The following SLC5A4 variants were observed in gnomAD, a reference collection of about 807,000 sequenced individuals.
SLC5A4 encodes solute carrier family 5 member 4.
In SLC5A4, 55 loss-of-function variants were observed where a neutral mutation model predicts 70.3. That is an observed-to-expected ratio of 0.78 (90% CI 0.63 to 0.98). SLC5A4 has a LOEUF of 0.98. Ranked by LOEUF, SLC5A4 falls within the 50% of genes least tolerant of loss-of-function variation. SLC5A4 has a pLI of 0.00. For missense variants in SLC5A4, 735 were observed against 839.2 expected (o/e 0.88, Z 1.53); for synonymous variants, 268 against 305.7 (o/e 0.88, Z 1.29).
chr22:32,287,738 A>G, the SLC5A4 span, among the ~76,000 whole-genome samples: 42,585 of 150,734 alleles, frequency 0.28, 5,976 homozygotes, highest in African/African-American at 0.32. Flanking sequence ...CACCTGCCTC[A>G]GTCTCCCAAA....
the SLC5A4 span, among the ~76,000 whole-genome samples, chr22:32,304,209 C>G: frequency 6.6e-6 from 1 of 152,174 alleles, no homozygotes; most frequent in African/African-American, 2.4e-5. Context: ...CTACTGCAAC[C>G]TCTGTCTCCT....
the SLC5A4 span, among the ~76,000 whole-genome samples, chr22:32,348,042 A>C: frequency 6.6e-6 from 1 of 152,116 alleles, no homozygotes; most frequent in Non-Finnish European, 1.5e-5. Flanking sequence ...TCACATGGGG[A>C]TAATAACAGC....
the SLC5A4 span, among the ~76,000 whole-genome samples, chr22:32,309,864 C>T: frequency 2.0e-5 from 3 of 151,486 alleles, no homozygotes; most frequent in Admixed American, 6.6e-5. Context: ...GCACTCTGCA[C>T]CTGCCTTTGC....
chr22:32,273,152 C>T, the SLC5A4 span: 11 of 417,328 alleles, frequency 2.6e-5, no homozygotes, highest in East Asian at 6.1e-4. Context: ...CACTACCTCC[C>T]ACCACCTTTT....
chr22:32,326,073 A>G, the SLC5A4 span, among the ~76,000 whole-genome samples: 1 of 152,236 alleles, frequency 6.6e-6, no homozygotes, highest in Non-Finnish European at 1.5e-5. Flanking sequence ...GGCAATTTGA[A>G]TAACAATGAA....
chr22:32,312,954 G>A, the SLC5A4 span, among the ~76,000 whole-genome samples: 3 of 152,110 alleles, frequency 2.0e-5, no homozygotes, highest in Admixed American at 1.3e-4. Context: ...TCTTCTGAAC[G>A]TTGTGAACCA....
upstream of SLC5A4, among the ~76,000 whole-genome samples, chr22:32,257,792 A>C (rs1927568361): frequency 6.6e-6 from 1 of 150,710 alleles, no homozygotes; most frequent in South Asian, 2.1e-4. Context: ...CAGCCTCCCG[A>C]GTAGCTGGGA....
At chr22:32,298,600 C>G in the SLC5A4 span, among the ~76,000 whole-genome samples, 1 of 84,844 alleles carries the variant, frequency 1.2e-5, no homozygotes, top group Non-Finnish European at 2.5e-5. Flanking sequence ...GGTCTTGACT[C>G]TTTATCCAAT....
At chr22:32,303,191 A>T in the SLC5A4 span, among the ~76,000 whole-genome samples, 3 of 152,224 alleles carry the variant, frequency 2.0e-5, no homozygotes, top group African/African-American at 7.2e-5. Context: ...CACGTGTCCA[A>T]GGTGGCTGGG....
chr22:32,298,931 T>C, the SLC5A4 span, among the ~76,000 whole-genome samples: 9 of 106,178 alleles, frequency 8.5e-5, no homozygotes, highest in Middle Eastern at 8.3e-3. Context: ...TTTGGCTGGA[T>C]ATGAAATTCT....
chr22:32,291,365 G>C, the SLC5A4 span, among the ~76,000 whole-genome samples: 281 of 152,058 alleles, frequency 1.8e-3, no homozygotes, highest in Middle Eastern at 3.4e-3. Context: ...TTATAGTAGA[G>C]ACGGGGTTTC....
chr22:32,221,029 A>G lies in SLC5A4; in HGVS notation c.1666-7T>C. On this transcript the variant is annotated splice_region_variant and splice_polypyrimidine_tract_variant and intron_variant, in intron 13 of 14. Transcript: ENST00000266086. ...CCCAGCACAGGCGGTACAGCTGAAC[A>G]GGGACCATACAAAAGTGCATTAGTA... The G allele has an allele frequency of 6.3e-7, 1 of 1,596,982 alleles. No homozygotes were observed. Among genetic ancestry groups the G allele is most frequent in the Non-Finnish European group, 8.6e-7 (1 of 1,164,540 alleles).
At chr22:32,273,043 T>C in the SLC5A4 span, 1 of 532,512 alleles carries the variant, frequency 1.9e-6, no homozygotes. Context: ...GCCAAGAAGA[T>C]CAGCACCATA....
chr22:32,328,722 A>G, the SLC5A4 span, among the ~76,000 whole-genome samples: 1 of 152,236 alleles, frequency 6.6e-6, no homozygotes, highest in East Asian at 1.9e-4. Flanking sequence ...GACTCACAGA[A>G]AGAGTTAAAC....
intron 6 of SLC5A4, 60 bp downstream of exon 6, chr22:32,238,925 C>G: frequency 9.0e-7 from 1 of 1,112,020 alleles, no homozygotes; most frequent in Non-Finnish European, 1.4e-6. Flanking sequence ...ATGCTAATTG[C>G]AGGTTGGGGT....
intron 3 of SLC5A4, among the ~76,000 whole-genome samples, chr22:32,251,485 T>TTC (rs138657436): frequency 2.7e-5 from 4 of 147,318 alleles, no homozygotes; most frequent in African/African-American, 1.0e-4. Context: ...CTCTGTCTCT[T>TTC]TCTCTCTCTC....
chr22:32,232,353 A>G (rs993585940), intron 9 of SLC5A4, among the ~76,000 whole-genome samples: 3 of 152,350 alleles, frequency 2.0e-5, no homozygotes, highest in South Asian at 4.1e-4. Context: ...AGATTTGGTT[A>G]TATTTCCTTC....
the SLC5A4 span, among the ~76,000 whole-genome samples, chr22:32,299,349 C>T: frequency 6.8e-6 from 1 of 148,012 alleles, no homozygotes; most frequent in Non-Finnish European, 1.5e-5. Context: ...AGGCTTTGCT[C>T]ATTTCTTTTT....
At chr22:32,224,212 G>T in intron 13 of SLC5A4, 55 bp downstream of exon 13, 4 of 1,399,580 alleles carry the variant, frequency 2.9e-6, no homozygotes, top group Non-Finnish European at 3.0e-6. Flanking sequence ...GAGCCACTGC[G>T]CCCGGCCAAG....
Sources: gnomAD v4.1 joint callset for allele counts (sites outside exome capture counted in the v4.1 genomes callset) on GRCh38, gnomAD v4.1.1 for gene constraint, MANE v1.5 for transcripts, NCBI Gene and HGNC (gene_info 2026-07-23, HGNC 2026-07-21) for gene names.